The following ADARB2 variants were observed in gnomAD, a reference collection of about 807,000 sequenced individuals.
ADARB2 encodes inactive double-stranded RNA-specific editase B2.
A neutral mutation model predicts 62.2 loss-of-function variants in ADARB2; 25 were observed. The observed-to-expected ratio is 0.40, with a 90% confidence interval of 0.29 to 0.56. The LOEUF is 0.56. Among genes scored for constraint, ADARB2 ranks in the 20% least tolerant of loss-of-function variants. ADARB2 has a pLI of 0.43. For missense variants in ADARB2, 1,071 were observed against 1,077.4 expected (o/e 0.99, Z 0.08); for synonymous variants, 572 against 500.8 (o/e 1.14, Z -1.90).
At chr10:1,573,662 C>T (rs1177658394) in intron 1 of ADARB2, among the ~76,000 whole-genome samples, 1 of 152,184 alleles carries the variant, frequency 6.6e-6, no homozygotes, top group Non-Finnish European at 1.5e-5. Context: ...GCTCAGTGTC[C>T]TTGGGAGGTT....
In ADARB2 at chr10:1,564,784, C is replaced by CT. The variant is rs59446234; in HGVS notation, c.100+172266dup. On this transcript the variant is annotated intron_variant, in intron 1 of 9. Coordinates refer to ENST00000381312, the MANE Select transcript of ADARB2 (RefSeq NM_018702.4). ...CAACAGGTGATTTTACTTTTATTACCTTTTTTTTTTTTTTAATTTCTGCCT... is the reference window on the plus strand; with the variant it reads ...CAACAGGTGATTTTACTTTTATTACCTTTTTTTTTTTTTTTAATTTCTGCCT... Among the ~76,000 whole-genome samples, 658 of 147,328 alleles carry CT rather than the reference C, an allele frequency of 4.5e-3. 5 individuals are homozygous for CT. The highest frequency in any genetic ancestry group is 0.012 in the African/African-American group (496 of 40,148).
At chr10:1,467,014 C>A (rs2131913826) in intron 1 of ADARB2, among the ~76,000 whole-genome samples, 2 of 152,192 alleles carry the variant, frequency 1.3e-5, no homozygotes, top group Middle Eastern at 3.4e-3. Flanking sequence ...GCAGGGGACT[C>A]CGTATTCTGG....
chr10:1,208,168 G>A (rs1263018027), intron 7 of ADARB2, among the ~76,000 whole-genome samples: 2 of 152,212 alleles, frequency 1.3e-5, no homozygotes, highest in Non-Finnish European at 2.9e-5. Context: ...TTTAGGAATC[G>A]AGTTTACTGT....
intron 9 of ADARB2, 110 bp from the exon 10 acceptor site, chr10:1,183,479 C>G: frequency 7.6e-7 from 1 of 1,315,900 alleles, no homozygotes; most frequent in Non-Finnish European, 1.0e-6. Flanking sequence ...TTCTGCCTTT[C>G]TTTCTCCCAC....
chr10:1,354,751 T>C (rs1421967688), intron 3 of ADARB2, among the ~76,000 whole-genome samples: 1 of 152,198 alleles, frequency 6.6e-6, no homozygotes, highest in Non-Finnish European at 1.5e-5. Flanking sequence ...CATTTAAACG[T>C]TGGCTTTTCC....
At chr10:1,700,199 A>G (rs1374263518) in intron 1 of ADARB2, among the ~76,000 whole-genome samples, 3 of 16,216 alleles carry the variant, frequency 1.9e-4, no homozygotes, top group African/African-American at 3.1e-4. Context: ...CCAGGAGACC[A>G]GGCGCTCGCC....
At chr10:1,267,811 T>C (rs1420757536) in intron 4 of ADARB2, among the ~76,000 whole-genome samples, 1 of 151,856 alleles carries the variant, frequency 6.6e-6, no homozygotes, top group Non-Finnish European at 1.5e-5. Context: ...GCTGGGAGGG[T>C]TGAAGGTGGT....
chr10:1,329,929 CTTTTTTTTTTTTTTT>C (rs370355543), intron 3 of ADARB2, among the ~76,000 whole-genome samples: 1 of 100,218 alleles, frequency 1.0e-5, no homozygotes, highest in Non-Finnish European at 2.0e-5. Context: ...GAAGAAGTGC[CTTTTTTTTTTTTTTT>C]TTTTTTTTTT....
intron 1 of ADARB2, among the ~76,000 whole-genome samples, chr10:1,694,489 A>G (rs61831982): frequency 0.09 from 13,631 of 152,040 alleles, 745 homozygotes; most frequent in African/African-American, 0.15. Context: ...TTTAAACTGT[A>G]CATGCACGAC....
chr10:1,394,350 G>A (rs543693199), intron 1 of ADARB2, among the ~76,000 whole-genome samples: 24 of 152,172 alleles, frequency 1.6e-4, no homozygotes, highest in Non-Finnish European at 3.2e-4. Context: ...CTCAAGGCCC[G>A]CGGGTCACCT....
chr10:1,548,170 G>C (rs1832555291), intron 1 of ADARB2, among the ~76,000 whole-genome samples: 1 of 152,104 alleles, frequency 6.6e-6, no homozygotes, highest in African/African-American at 2.4e-5. Context: ...GGACCCGGAG[G>C]CTCAGGTGAG....
At chr10:1,687,673 A>C (rs1834613433) in intron 1 of ADARB2, among the ~76,000 whole-genome samples, 1 of 151,364 alleles carries the variant, frequency 6.6e-6, no homozygotes, top group African/African-American at 2.4e-5. Flanking sequence ...AAAAAAATTG[A>C]GGACAAGGAT....
At chr10:1,233,940 T>C in intron 5 of ADARB2, 95 bp from the exon 6 acceptor site, 1 of 1,272,498 alleles carries the variant, frequency 7.9e-7, no homozygotes, top group Admixed American at 2.9e-5. Flanking sequence ...GTAGAGTTGT[T>C]CCCCAAGTTT....
intron 4 of ADARB2, among the ~76,000 whole-genome samples, chr10:1,256,112 C>T (rs569730428): frequency 4.6e-5 from 7 of 152,292 alleles, no homozygotes; most frequent in South Asian, 2.1e-4. Flanking sequence ...AGCTCAGTAA[C>T]GAAGAGGGAC....
chr10:1,623,035 G>A (rs983815539), intron 1 of ADARB2, among the ~76,000 whole-genome samples: 1 of 152,102 alleles, frequency 6.6e-6, no homozygotes, highest in Non-Finnish European at 1.5e-5. Flanking sequence ...ACACAGATGA[G>A]CCTCAAAAAC....
chr10:1,372,114 G>A (rs1162533259), intron 2 of ADARB2, among the ~76,000 whole-genome samples: 3 of 152,288 alleles, frequency 2.0e-5, no homozygotes, highest in Non-Finnish European at 4.4e-5. Flanking sequence ...TATACACCAT[G>A]GAATACCATG....
At chr10:1,556,354 A>G (rs1832702682) in intron 1 of ADARB2, among the ~76,000 whole-genome samples, 1 of 151,698 alleles carries the variant, frequency 6.6e-6, no homozygotes, top group African/African-American at 2.4e-5. Context: ...ATTGTGTAGG[A>G]AATCTTGGAT....
At chr10:1,651,141 G>C (rs1428624620) in intron 1 of ADARB2, among the ~76,000 whole-genome samples, 1 of 152,196 alleles carries the variant, frequency 6.6e-6, no homozygotes, top group Non-Finnish European at 1.5e-5. Flanking sequence ...ATGACAAATT[G>C]CCTCCCTGCC....
intron 2 of ADARB2, among the ~76,000 whole-genome samples, chr10:1,378,575 T>G (rs1354254276): frequency 6.6e-6 from 1 of 151,646 alleles, no homozygotes; most frequent in Non-Finnish European, 1.5e-5. Context: ...GAGGATAAGA[T>G]TCCAGGTTAG....
Sources: allele counts gnomAD v4.1 joint callset (sites outside exome capture counted in the v4.1 genomes callset), GRCh38; gene constraint gnomAD v4.1.1; transcripts MANE v1.5; gene names NCBI Gene and HGNC (gene_info 2026-07-23, HGNC 2026-07-21).